Variants in GREM2 observed in about 807,000 individuals in gnomAD.
GREM2 encodes gremlin 2, DAN family BMP antagonist.
A neutral mutation model predicts 14.2 loss-of-function variants in GREM2; 11 were observed. The ratio of observed to expected loss-of-function variants is 0.78; its 90% CI spans 0.49 to 1.28. The LOEUF is 1.28. GREM2 is among the 50% of genes most tolerant of loss of function. The pLI is 0.00. For synonymous variants in GREM2, 98 were observed against 97.6 expected (o/e 1.00, Z -0.02); for missense variants, 210 against 218.5 (o/e 0.96, Z 0.24).
chr1:240,504,259 C>T (rs779960560), intron 1 of GREM2, among the ~76,000 whole-genome samples: 24 of 152,164 alleles, frequency 1.6e-4, no homozygotes, highest in African/African-American at 5.5e-4. Context: ...AAGTGTGTTC[C>T]ACCCCTCTTT....
At chr1:240,586,416 C>G (rs1679600231) in intron 1 of GREM2, among the ~76,000 whole-genome samples, 1 of 152,200 alleles carries the variant, frequency 6.6e-6, no homozygotes. Flanking sequence ...TTTAGAGAGA[C>G]TTCTCACTGA....
chr1:240,563,956 T>G (rs1455760500), intron 1 of GREM2, among the ~76,000 whole-genome samples: 2 of 152,098 alleles, frequency 1.3e-5, no homozygotes, highest in Non-Finnish European at 2.9e-5. Context: ...ACACCTGTGA[T>G]CTCAACACTT....
intron 1 of GREM2, among the ~76,000 whole-genome samples, chr1:240,553,567 T>C (rs1389395879): frequency 1.3e-5 from 2 of 152,172 alleles, no homozygotes; most frequent in African/African-American, 2.4e-5. Context: ...ATAGAGAAGC[T>C]CACACACTTT....
intron 1 of GREM2, among the ~76,000 whole-genome samples, chr1:240,538,292 G>T (rs769942293): frequency 6.6e-6 from 1 of 152,050 alleles, no homozygotes; most frequent in Non-Finnish European, 1.5e-5. Context: ...TAGCTCCTTC[G>T]TGATTGATTG....
At chr1:240,509,664 G>T (rs1374718916) in intron 1 of GREM2, among the ~76,000 whole-genome samples, 1 of 151,998 alleles carries the variant, frequency 6.6e-6, no homozygotes, top group Non-Finnish European at 1.5e-5. Flanking sequence ...CACTGCACCC[G>T]GTGCTCATTT....
At chr1:240,611,249 C>T (rs369914409) in intron 1 of GREM2, among the ~76,000 whole-genome samples, 9 of 152,180 alleles carry the variant, frequency 5.9e-5, no homozygotes, top group African/African-American at 2.2e-4. Flanking sequence ...AATACAAATG[C>T]ATTTTTAAAC....
intron 1 of GREM2, among the ~76,000 whole-genome samples, chr1:240,599,466 T>C (rs1934345): frequency 0.88 from 133,897 of 152,082 alleles, 59,126 homozygotes; most frequent in South Asian, 0.94. Context: ...AGGGAGTGAC[T>C]TTCCTCTGAC....
At position 240,542,268 on chromosome 1, in the gene GREM2, T is replaced by G. The variant is rs1408357547; in HGVS notation, c.-1-48792A>C. ...CAGACCTGTGGAATTCAGAGGTATCTCTAACAAATCCACAGTAATTGATTC... is the reference window on the plus strand; with the variant it reads ...CAGACCTGTGGAATTCAGAGGTATCGCTAACAAATCCACAGTAATTGATTC... On this transcript the variant is annotated intron_variant, in intron 1 of 1. Coordinates refer to ENST00000318160, the MANE Select transcript of GREM2 (RefSeq NM_022469.4). This position sits in a 1 kb window ranked among gnomAD's most constrained non-coding sequence, Gnocchi z 4.1. Among the ~76,000 whole-genome samples the G allele has an allele frequency of 6.6e-6, 1 of 151,978 alleles. No homozygotes were observed. Among genetic ancestry groups the G allele is most frequent in the East Asian group, 1.9e-4 (1 of 5,172 alleles).
At chr1:240,522,508 A>C (rs1678124293) in intron 1 of GREM2, among the ~76,000 whole-genome samples, 1 of 152,178 alleles carries the variant, frequency 6.6e-6, no homozygotes, top group Non-Finnish European at 1.5e-5. Context: ...AGATTTATAA[A>C]ATGATTCCAG....
Position 240,490,125 on chromosome 1 carries a change from G to C in GREM2, c.*2844C>G, listed in dbSNP as rs563145773. The C allele has an allele frequency of 2.6e-5, 4 of 152,342 alleles. No homozygotes were observed. In the South Asian group the frequency reaches 8.3e-4, roughly 32 times the overall value. 9.4% of individuals were successfully genotyped at this position (152,342 alleles called of 1,614,324 possible). ...AATGAACAAAACTCAGAACAAGTGT[G>C]TCCCTGGTGCTAACGGAGAGACTAA... On this transcript the variant is annotated 3_prime_UTR_variant, in exon 2 of 2. Transcript: ENST00000318160.
chr1:240,527,185 C>T (rs1213915063), intron 1 of GREM2, among the ~76,000 whole-genome samples: 1 of 152,048 alleles, frequency 6.6e-6, no homozygotes, highest in Non-Finnish European at 1.5e-5. Context: ...CTACTTATCT[C>T]AGCAGCCCAG....
intron 1 of GREM2, among the ~76,000 whole-genome samples, chr1:240,502,064 A>G (rs1355312851): frequency 1.3e-5 from 2 of 152,068 alleles, no homozygotes; most frequent in Non-Finnish European, 2.9e-5. Flanking sequence ...CCCCTCTTCG[A>G]CCTTCCTAGG....
chr1:240,562,797 G>T (rs1319271192), intron 1 of GREM2, among the ~76,000 whole-genome samples: 1 of 151,472 alleles, frequency 6.6e-6, no homozygotes, highest in Middle Eastern at 3.4e-3. Flanking sequence ...ATGTGTGTAT[G>T]TGAGTGTGTA....
chr1:240,564,147 G>C (rs539954899), intron 1 of GREM2, among the ~76,000 whole-genome samples: 3 of 152,100 alleles, frequency 2.0e-5, no homozygotes, highest in African/African-American at 7.2e-5. Flanking sequence ...CGTGAAGGCT[G>C]CAATGAGCTG....
intron 1 of GREM2, chr1:240,530,790 T>A (rs1382460395): frequency 6.6e-6 from 1 of 152,254 alleles, no homozygotes. Context: ...ATTCCTTCGG[T>A]TGTATTTTTC....
In GREM2 at chr1:240,490,382, A is replaced by C. The variant is rs1677219524; in HGVS notation, c.*2587T>G. The C allele has an allele frequency of 6.6e-6, 1 of 152,628 alleles. No homozygotes were observed. The highest frequency in any genetic ancestry group is 1.5e-5 in the Non-Finnish European group (1 of 68,048). 9.5% of individuals were successfully genotyped at this position (152,628 alleles called of 1,614,324 possible). On this transcript the variant is annotated 3_prime_UTR_variant, in exon 2 of 2. Coordinates refer to ENST00000318160, the MANE Select transcript of GREM2 (RefSeq NM_022469.4). ...AAGGAGATCATGTGACATAAGCTAG[A>C]GGTTGAACTCACCATGGTTGAACAA...
intron 1 of GREM2, among the ~76,000 whole-genome samples, chr1:240,575,577 G>A (rs935061413): frequency 1.3e-5 from 2 of 151,332 alleles, no homozygotes; most frequent in Non-Finnish European, 2.9e-5. Flanking sequence ...CTGGAGTGTG[G>A]TGGCACGATC....
intron 1 of GREM2, among the ~76,000 whole-genome samples, chr1:240,523,080 T>C (rs551503401): frequency 4.5e-4 from 68 of 152,314 alleles, no homozygotes; most frequent in African/African-American, 1.6e-3. Flanking sequence ...CTTAGCTCAA[T>C]AGGTATGGAA....
At chr1:240,605,739 C>T (rs952116028) in intron 1 of GREM2, among the ~76,000 whole-genome samples, 1 of 151,768 alleles carries the variant, frequency 6.6e-6, no homozygotes, top group Non-Finnish European at 1.5e-5. Flanking sequence ...AGAAAGTCAG[C>T]GTGCATTCCA....
Sources: allele counts gnomAD v4.1 joint callset (sites outside exome capture counted in the v4.1 genomes callset), GRCh38; gene constraint gnomAD v4.1.1; non-coding constraint Gnocchi (gnomAD v3.1); transcripts MANE v1.5; gene names NCBI Gene and HGNC (gene_info 2026-07-23, HGNC 2026-07-21).